FAF1: variants seen among roughly 807,000 people sequenced by gnomAD.
FAF1 encodes the protein FAS-associated factor 1.
In FAF1, 25 loss-of-function variants were observed where a neutral mutation model predicts 92.5. The ratio of observed to expected loss-of-function variants is 0.27; its 90% CI spans 0.20 to 0.38. The LOEUF is 0.38. FAF1 is among the 10% of genes least tolerant of loss of function. The pLI, the probability that FAF1 is intolerant of heterozygous loss-of-function variation, is 1.00. For missense variants in FAF1, 636 were observed against 793.3 expected (o/e 0.80, Z 2.38); for synonymous variants, 234 against 273.2 (o/e 0.86, Z 1.42).
chr1:50,526,924 G>A (rs545522335), intron 15 of FAF1, among the ~76,000 whole-genome samples: 19 of 151,208 alleles, frequency 1.3e-4, no homozygotes, highest in African/African-American at 3.4e-4. Context: ...GCGTGATCTC[G>A]GCTCACTGCA....
intron 15 of FAF1, among the ~76,000 whole-genome samples, chr1:50,521,200 T>A (rs189081186): frequency 1.1e-4 from 16 of 152,240 alleles, no homozygotes; most frequent in Admixed American, 5.9e-4. Context: ...TTTTTTAATG[T>A]CCCCAGAAAC....
At chr1:50,627,698 G>A (rs755802630) in intron 8 of FAF1, among the ~76,000 whole-genome samples, 46 of 152,094 alleles carry the variant, frequency 3.0e-4, no homozygotes, top group Admixed American at 2.4e-3. Flanking sequence ...GGGAATGTGA[G>A]GGGGGGCTTC....
At chr1:50,841,569 C>CT (rs1009795755) in intron 2 of FAF1, among the ~76,000 whole-genome samples, 13 of 151,624 alleles carry the variant, frequency 8.6e-5, no homozygotes, top group Admixed American at 4.6e-4. Context: ...ATAAACCAAG[C>CT]TTTTTTTTCC....
At chr1:50,836,170 G>GTTTTTTTGTTTTTTT (rs1553144965) in intron 2 of FAF1, among the ~76,000 whole-genome samples, 7 of 98,524 alleles carry the variant, frequency 7.1e-5, no homozygotes, top group Non-Finnish European at 6.0e-5. Flanking sequence ...TTTTGTTTCT[G>GTTTTTTTGTTTTTTT]TTTTTTTTTT....
chr1:50,543,296 G>A (rs766880213), intron 13 of FAF1, among the ~76,000 whole-genome samples: 1 of 152,108 alleles, frequency 6.6e-6, no homozygotes, highest in Non-Finnish European at 1.5e-5. Flanking sequence ...CAATTTAGGG[G>A]AAGGGAGATG....
At chr1:50,694,052 T>C (rs1262317137) in intron 7 of FAF1, among the ~76,000 whole-genome samples, 2 of 151,680 alleles carry the variant, frequency 1.3e-5, no homozygotes, top group Non-Finnish European at 2.9e-5. Flanking sequence ...ATGACATGTA[T>C]GACATATATA....
At chr1:50,654,732 T>C (rs1655025502) in intron 8 of FAF1, among the ~76,000 whole-genome samples, 1 of 152,204 alleles carries the variant, frequency 6.6e-6, no homozygotes, top group Non-Finnish European at 1.5e-5. Context: ...TTGAAATATC[T>C]GTAATTTAGG....
intron 1 of FAF1, among the ~76,000 whole-genome samples, chr1:50,886,595 A>T (rs770422366): frequency 1.2e-4 from 18 of 150,600 alleles, no homozygotes; most frequent in Non-Finnish European, 2.1e-4. Context: ...GTTCTCATTG[A>T]TCAATTCCCA....
intron 1 of FAF1, among the ~76,000 whole-genome samples, chr1:50,884,808 C>T (rs1232577292): frequency 6.6e-6 from 1 of 151,830 alleles, no homozygotes; most frequent in African/African-American, 2.4e-5. Context: ...GTAAGTATTC[C>T]TTCCTCTATT....
intron 8 of FAF1, among the ~76,000 whole-genome samples, chr1:50,618,673 TCATTA>T (rs1171938272): frequency 6.6e-6 from 1 of 152,140 alleles, no homozygotes; most frequent in Non-Finnish European, 1.5e-5. Context: ...GTACCCTTTA[TCATTA>T]CATAAGGCCC....
chr1:50,909,884 C>T (rs1167089177), intron 1 of FAF1, among the ~76,000 whole-genome samples: 1 of 152,188 alleles, frequency 6.6e-6, no homozygotes, highest in South Asian at 2.1e-4. Flanking sequence ...TGTCTCAACT[C>T]GTCAAAGTCA....
At chr1:50,475,792 A>T (rs778173062) in intron 17 of FAF1, 113 bp from the exon 18 acceptor site, 21 of 643,426 alleles carry the variant, frequency 3.3e-5, no homozygotes, top group Non-Finnish European at 5.0e-5. Flanking sequence ...TTGAAAAGTC[A>T]CTGCCCTATT....
At chr1:50,585,804 C>T (rs1651198571) in intron 9 of FAF1, among the ~76,000 whole-genome samples, 1 of 149,702 alleles carries the variant, frequency 6.7e-6, no homozygotes. Flanking sequence ...AAATATTTTG[C>T]CAGAAAAGCA....
In FAF1 at chr1:50,799,424, A is replaced by C. The variant is rs79065881; in HGVS notation, c.161+2207T>G. Among the ~76,000 whole-genome samples the C allele has an allele frequency of 5.1e-3, 775 of 152,332 alleles. 6 individuals carry two copies. Among genetic ancestry groups the C allele is most frequent in the South Asian group, 0.01 (50 of 4,828 alleles). ...TCCCTTGGAGTTTATGGTTACATTA[A>C]AAATCATATACCCTCTTGGATTCAC... On this transcript the variant is annotated intron_variant, in intron 3 of 18. Coordinates refer to ENST00000396153, the MANE Select transcript of FAF1 (RefSeq NM_007051.3).
At chr1:50,833,386 AG>A (rs1644172255) in intron 2 of FAF1, among the ~76,000 whole-genome samples, 2 of 151,826 alleles carry the variant, frequency 1.3e-5, no homozygotes, top group African/African-American at 4.8e-5. Flanking sequence ...AAAGATACAC[AG>A]GGTGGTAAGG....
chr1:50,943,648 G>T (rs1308812648), intron 1 of FAF1, among the ~76,000 whole-genome samples: 1 of 152,032 alleles, frequency 6.6e-6, no homozygotes, highest in Non-Finnish European at 1.5e-5. Context: ...TCTTCACAGG[G>T]TGTGCCTAAA....
intron 18 of FAF1, among the ~76,000 whole-genome samples, chr1:50,462,491 T>A (rs188887135): frequency 6.6e-6 from 1 of 152,022 alleles, no homozygotes; most frequent in Admixed American, 6.6e-5. Context: ...TCTGTATTTG[T>A]TTATAGTAAC....
chr1:50,722,296 T>C (rs1260892589), intron 6 of FAF1, among the ~76,000 whole-genome samples: 1 of 152,162 alleles, frequency 6.6e-6, no homozygotes, highest in African/African-American at 2.4e-5. Flanking sequence ...TTGAGCAACC[T>C]GTGAGTTGGT....
intron 8 of FAF1, among the ~76,000 whole-genome samples, chr1:50,641,379 C>T (rs1654320279): frequency 6.6e-6 from 1 of 152,022 alleles, no homozygotes; most frequent in Admixed American, 6.6e-5. Flanking sequence ...ATTTAATATG[C>T]TATGTTTTCA....
Sources: allele counts gnomAD v4.1 joint callset (sites outside exome capture counted in the v4.1 genomes callset), GRCh38; gene constraint gnomAD v4.1.1; transcripts MANE v1.5; gene names NCBI Gene and HGNC (gene_info 2026-07-23, HGNC 2026-07-21).